ADGRV1: variants seen among roughly 807,000 people sequenced by gnomAD.
The protein encoded by ADGRV1 is adhesion G protein-coupled receptor V1, also known as G-protein coupled receptor 98.
ADGRV1 carries 359 observed loss-of-function variants against 596.2 expected under a neutral mutation model. The observed-to-expected ratio is 0.60, with a 90% confidence interval of 0.55 to 0.66. ADGRV1 has a LOEUF of 0.66. ADGRV1 is among the 30% of genes least tolerant of loss of function. ADGRV1 has a pLI of 0.00. For synonymous variants in ADGRV1, 2,681 were observed against 2,679.2 expected, an observed-to-expected ratio of 1.00 and a Z score of -0.02; for missense variants, 7,274 against 7,575.6, an observed-to-expected ratio of 0.96 and a Z score of 1.48.
At chr5:90,640,686 G>C (rs1015987380) in intron 11 of ADGRV1, 32 of 152,498 alleles carry the variant, frequency 2.1e-4, no homozygotes, top group African/African-American at 7.5e-4. Context: ...CCCATAAAAC[G>C]CACATTACTA....
intron 14 of ADGRV1, among the ~76,000 whole-genome samples, 167 bp downstream of exon 14, chr5:90,644,150 A>G (rs1767385679): frequency 6.6e-6 from 1 of 152,064 alleles, no homozygotes; most frequent in Non-Finnish European, 1.5e-5. Context: ...CATGATTTTT[A>G]TTTCTTACAT....
chr5:90,723,667 A>T (rs1229349243), intron 45 of ADGRV1, among the ~76,000 whole-genome samples: 1 of 152,214 alleles, frequency 6.6e-6, no homozygotes, highest in Non-Finnish European at 1.5e-5. Context: ...CTGGATTTTT[A>T]GGAAAGGAAA....
chr5:91,143,470 GCTC>G (rs1022350809), intron 87 of ADGRV1, among the ~76,000 whole-genome samples: 1 of 152,186 alleles, frequency 6.6e-6, no homozygotes, highest in African/African-American at 2.4e-5. Flanking sequence ...GACTCGCAGT[GCTC>G]CTCTCCGCAG....
chr5:90,582,700 G>T (rs1758226683), intron 1 of ADGRV1, among the ~76,000 whole-genome samples: 2 of 152,146 alleles, frequency 1.3e-5, no homozygotes, highest in East Asian at 3.9e-4. Context: ...AAGTAGCTGG[G>T]ACTATCAGTG....
chr5:90,597,648 G>A (rs1760862749), intron 1 of ADGRV1, among the ~76,000 whole-genome samples: 1 of 152,120 alleles, frequency 6.6e-6, no homozygotes, highest in African/African-American at 2.4e-5. Context: ...GCTTGAAGAG[G>A]AAACCAGGCT....
chr5:90,753,442 AT>A, intron 53 of ADGRV1, 131 bp from the exon 54 acceptor site: 1 of 609,832 alleles, frequency 1.6e-6, no homozygotes, highest in Non-Finnish European at 2.8e-6. Context: ...GTAGAATCAT[AT>A]TATTATGTTG....
At chr5:90,890,779 A>C (rs1770740739) in intron 83 of ADGRV1, among the ~76,000 whole-genome samples, 1 of 152,164 alleles carries the variant, frequency 6.6e-6, no homozygotes, top group Non-Finnish European at 1.5e-5. Context: ...ACATTGTAAC[A>C]ACTTATATTT....
chr5:90,815,282 T>C (rs1045579009), intron 74 of ADGRV1, among the ~76,000 whole-genome samples: 2 of 152,338 alleles, frequency 1.3e-5, no homozygotes, highest in Admixed American at 6.5e-5. Context: ...GCTTACATTC[T>C]GTGAGGGATA....
intron 82 of ADGRV1, among the ~76,000 whole-genome samples, chr5:90,857,506 C>A (rs752546258): frequency 6.6e-6 from 1 of 152,044 alleles, no homozygotes; most frequent in Non-Finnish European, 1.5e-5. Flanking sequence ...ACCTGTATAT[C>A]TTTTCTGCAA....
intron 83 of ADGRV1, among the ~76,000 whole-genome samples, chr5:90,867,920 G>A (rs997448662): frequency 6.6e-6 from 1 of 152,140 alleles, no homozygotes; most frequent in Non-Finnish European, 1.5e-5. Flanking sequence ...AAGCGTTTAA[G>A]TACAAGGATC....
rs758061159 is a variant in ADGRV1 at position 90,647,688 on chromosome 5, C to T, written c.3213C>T (p.Ser1071=). Residue 1071 remains serine (S), a synonymous_variant, in exon 17 of 90, where the codon AGC becomes AGT. Transcript: ENST00000405460. ...LIFEVGSRQQ[S]ISIFVNEDGI... is the part of the protein sequence containing the mutation. ...TTGAGGTTGGAAGTAGACAGCAGAG[C>T]ATATCCATATTTGTTAATGAAGATG... 5.6e-6 allele frequency: 9 copies of T among 1,613,640 alleles called. No homozygotes were observed. In the South Asian group the frequency reaches 9.9e-5, roughly 18 times the overall value.
In ADGRV1 at chr5:91,163,948, T is replaced by A. The variant is rs983060079; in HGVS notation, c.*48T>A. The A allele has an allele frequency of 3.3e-6, 3 of 907,188 alleles. No homozygotes were observed. In the African/African-American group the frequency reaches 4.9e-5, roughly 15 times the overall value. The allele number at this position is 907,188 out of a possible 1,614,324, so 56.2% of individuals were successfully genotyped here. The stretch of plus-strand genomic sequence containing the variant: ...AGCACACTTTCATATTTGTATCAGC[T>A]TTTGTGCTAAAACTCTCTAAGTACA... On this transcript the variant is annotated 3_prime_UTR_variant, in exon 90 of 90. Coordinates refer to ENST00000405460, the MANE Select transcript of ADGRV1 (RefSeq NM_032119.4).
At chr5:91,089,793 G>A (rs994528043) in intron 86 of ADGRV1, among the ~76,000 whole-genome samples, 1 of 152,106 alleles carries the variant, frequency 6.6e-6, no homozygotes, top group Non-Finnish European at 1.5e-5. Context: ...CAAAAATTAT[G>A]AGACCATTTA....
chr5:90,872,879 C>G (rs1375500271), intron 83 of ADGRV1, among the ~76,000 whole-genome samples: 2 of 152,210 alleles, frequency 1.3e-5, no homozygotes, highest in Non-Finnish European at 2.9e-5. Context: ...TACTCTGTTA[C>G]TATAGTAAGC....
intron 28 of ADGRV1, among the ~76,000 whole-genome samples, chr5:90,684,430 C>A (rs1335269282): frequency 6.6e-6 from 1 of 152,092 alleles, no homozygotes; most frequent in Non-Finnish European, 1.5e-5. Context: ...TTATCTAGCA[C>A]ACTCTATTAT....
intron 1 of ADGRV1, among the ~76,000 whole-genome samples, chr5:90,589,707 C>T (rs973310636): frequency 1.3e-5 from 2 of 152,050 alleles, no homozygotes; most frequent in African/African-American, 2.4e-5. Context: ...TGTTTATACC[C>T]ACAATTCAAG....
chr5:90,852,076 G>A (rs1020503133), intron 79 of ADGRV1, among the ~76,000 whole-genome samples: 1 of 152,108 alleles, frequency 6.6e-6, no homozygotes, highest in South Asian at 2.1e-4. Flanking sequence ...TGGAGGTGGA[G>A]GTATGTGAGG....
intron 4 of ADGRV1, among the ~76,000 whole-genome samples, chr5:90,619,542 T>C (rs777138250): frequency 6.6e-6 from 1 of 152,198 alleles, no homozygotes; most frequent in Non-Finnish European, 1.5e-5. Context: ...CAGACTCTTC[T>C]GAAAGTTTGG....
At chr5:90,745,458 G>C in intron 51 of ADGRV1, 133 bp from the exon 52 acceptor site, 1 of 747,000 alleles carries the variant, frequency 1.3e-6, no homozygotes, top group Non-Finnish European at 2.1e-6. Context: ...GAATATTTTG[G>C]ATTAAAATTT....
Sources: allele counts gnomAD v4.1 joint callset (sites outside exome capture counted in the v4.1 genomes callset), GRCh38; gene constraint gnomAD v4.1.1; transcripts MANE v1.5; gene names NCBI Gene and HGNC (gene_info 2026-07-23, HGNC 2026-07-21).